The following CASC3 variants were observed in gnomAD, a reference collection of about 807,000 sequenced individuals.
The protein encoded by CASC3 is protein CASC3.
CASC3 carries 30 observed loss-of-function variants against 80.5 expected under a neutral mutation model. The ratio of observed to expected loss-of-function variants is 0.37; its 90% CI spans 0.28 to 0.51. The LOEUF (loss-of-function observed/expected upper bound fraction) is 0.51. Among genes scored for constraint, CASC3 ranks in the 20% least tolerant of loss-of-function variants. CASC3 has a pLI of 0.94. For synonymous variants in CASC3, 312 were observed against 333.6 expected, an observed-to-expected ratio of 0.94 and a Z score of 0.70; for missense variants, 824 against 922.2, an observed-to-expected ratio of 0.89 and a Z score of 1.38.
chr17:40,144,631 C>T (rs969489143), intron 3 of CASC3, among the ~76,000 whole-genome samples: 14 of 148,218 alleles, frequency 9.4e-5, no homozygotes, highest in African/African-American at 3.2e-4. Context: ...AGGTGGATTA[C>T]GGGTGTGAGC....
rs1598431903 is a variant in CASC3, at chr17:40,167,732, G to A, written c.1652-118G>A. Reference sequence around the variant, plus strand: ...TTATAGTGGTTATCAAACATTGTCTGGTTGCTGTTTTCTTCGCATGGAATA... The same window carrying A: ...TTATAGTGGTTATCAAACATTGTCTAGTTGCTGTTTTCTTCGCATGGAATA... On this transcript the variant is annotated intron_variant, in intron 9 of 13. Transcript: ENST00000264645. The A allele has an allele frequency of 1.5e-5, 19 of 1,244,466 alleles. 1 individual carries two copies. In the South Asian group the frequency reaches 2.2e-4, roughly 15 times the overall value. The allele number at this position is 1,244,466 out of a possible 1,614,324, so 77.1% of individuals were successfully genotyped here.
At chr17:40,168,674 T>C in intron 11 of CASC3, 1 of 428,650 alleles carries the variant, frequency 2.3e-6, no homozygotes, top group Non-Finnish European at 4.3e-6. Flanking sequence ...CACTGTAACC[T>C]CCACCTCTTG....
intron 4 of CASC3, 32 bp from the exon 5 acceptor site, chr17:40,161,970 G>A (rs370362076): frequency 6.2e-6 from 10 of 1,612,638 alleles, no homozygotes; most frequent in Non-Finnish European, 8.5e-6. Flanking sequence ...TTGAGGCTTG[G>A]AAGAGTAAGG....
rs1989580688 is a variant in CASC3, at chr17:40,171,037, T to C, written c.*632T>C. On this transcript the variant is annotated 3_prime_UTR_variant, in exon 14 of 14. Coordinates refer to ENST00000264645, the MANE Select transcript of CASC3 (RefSeq NM_007359.5). Reference sequence around the variant, plus strand: ...CTTTTAGTTGGCATTTGTTATCCTCTTGTATACTTGTATTCCCTTAACTCT... The same window carrying C: ...CTTTTAGTTGGCATTTGTTATCCTCCTGTATACTTGTATTCCCTTAACTCT... 2 of 985,466 alleles carry C rather than the reference T, an allele frequency of 2.0e-6. No individual in the cohort carries two copies. Among genetic ancestry groups the C allele is most frequent in the Non-Finnish European group, 2.4e-6 (2 of 829,940 alleles). The allele number at this position is 985,466 out of a possible 1,614,324, so 61.0% of individuals were successfully genotyped here. A position where few individuals can be genotyped will look rare whatever the true frequency, so the allele number is the denominator to read the frequency against.
Position 40,172,085 on chromosome 17 carries a change from G to A in CASC3, c.*1680G>A, listed in dbSNP as rs1989607017. On this transcript the variant is annotated 3_prime_UTR_variant, in exon 14 of 14. Transcript: ENST00000264645. ...AGTTGCAAGGATTTTTCCATGTGTGGTGGTGTTTTTTGTTACTGTTTTAAA... is the reference window on the plus strand; with the variant it reads ...AGTTGCAAGGATTTTTCCATGTGTGATGGTGTTTTTTGTTACTGTTTTAAA... 2.3e-6 allele frequency: 3 copies of A among 1,289,824 alleles called. No individual in the cohort carries two copies. The highest frequency in any genetic ancestry group is 1.2e-5 in the South Asian group (1 of 81,034). 79.9% of individuals were successfully genotyped at this position (1,289,824 alleles called of 1,614,324 possible). A position where few individuals can be genotyped will look rare whatever the true frequency, so the allele number is the denominator to read the frequency against.
chr17:40,151,214 T>G (rs1988998647), intron 3 of CASC3, among the ~76,000 whole-genome samples: 1 of 151,814 alleles, frequency 6.6e-6, no homozygotes, highest in East Asian at 1.9e-4. Flanking sequence ...TTTTATTTGT[T>G]TGTGTGTTTG....
intron 3 of CASC3, among the ~76,000 whole-genome samples, chr17:40,152,599 C>T (rs1417239604): frequency 3.3e-5 from 5 of 151,866 alleles, no homozygotes; most frequent in African/African-American, 7.3e-5. Context: ...GGATTACAGG[C>T]GTGAGCCACC....
At chr17:40,152,860 T>C (rs1260564141) in intron 3 of CASC3, among the ~76,000 whole-genome samples, 2 of 152,178 alleles carry the variant, frequency 1.3e-5, no homozygotes, top group Non-Finnish European at 2.9e-5. Context: ...CACTGCAGTC[T>C]CTGCCTCCCA....
At chr17:40,154,382 C>T (rs1283727625) in intron 3 of CASC3, among the ~76,000 whole-genome samples, 2 of 151,648 alleles carry the variant, frequency 1.3e-5, no homozygotes, top group East Asian at 1.9e-4. Context: ...TACAGGTGTG[C>T]GCTGCCATGC....
chr17:40,169,144 A>C (rs1989527287), intron 11 of CASC3, 180 bp from the exon 12 acceptor site: 1 of 618,892 alleles, frequency 1.6e-6, no homozygotes, highest in Non-Finnish European at 2.7e-6. Context: ...AAACCAGAGC[A>C]TAATAATGAA....
chr17:40,163,337 G>A (rs1351557964), intron 6 of CASC3, 144 bp from the exon 7 acceptor site: 1 of 660,458 alleles, frequency 1.5e-6, no homozygotes, highest in Admixed American at 3.0e-5. Context: ...GTTTCGCTAT[G>A]TTGGCCAGGC....
chr17:40,163,157 CAG>C (rs1989349271), intron 6 of CASC3, among the ~76,000 whole-genome samples: 1 of 151,714 alleles, frequency 6.6e-6, no homozygotes, highest in Non-Finnish European at 1.5e-5. Context: ...TTATTTAAGA[CAG>C]AGTCTCGCTG....
chr17:40,154,956 C>G (rs1396197981), intron 3 of CASC3, among the ~76,000 whole-genome samples: 1 of 152,062 alleles, frequency 6.6e-6, no homozygotes, highest in Non-Finnish European at 1.5e-5. Flanking sequence ...GTGGCGCTAT[C>G]TAGGTTCACT....
chr17:40,158,776 C>G, intron 3 of CASC3, among the ~76,000 whole-genome samples: 1 of 151,948 alleles, frequency 6.6e-6, no homozygotes, highest in South Asian at 2.1e-4. Context: ...ACAAGTTGTC[C>G]TTTAAGGTTT....
chr17:40,163,037 A>C (rs933907432), intron 6 of CASC3, 136 bp downstream of exon 6: 1 of 600,154 alleles, frequency 1.7e-6, no homozygotes, highest in African/African-American at 1.8e-5. Context: ...CCTGGGGAAC[A>C]TAGTGAGACC....
intron 13 of CASC3, 80 bp downstream of exon 13, chr17:40,169,742 C>CTTTTTTTTTTTTTTTTTTTTTTTTTT (rs56186811): frequency 1.1e-5 from 1 of 91,808 alleles, no homozygotes; most frequent in African/African-American, 8.5e-5. Flanking sequence ...TTAATTAATG[C>CTTTTTTTTTTTTTTTTTTTTTTTTTT]TTTTTTTTTT....
Position 40,161,800 on chromosome 17 carries a change from G to A in CASC3, c.345G>A (p.Leu115=). Residue 115 remains leucine, a synonymous_variant, in exon 4 of 14, where the codon CTG becomes CTA. Coordinates refer to ENST00000264645, the MANE Select transcript of CASC3 (RefSeq NM_007359.5). ...YSEEENSKVE[L]KSEANDAVNS... ...AAGAGGAAAACTCCAAAGTGGAGCT[G>A]AAATCAGAAGCTAATGATGCTGTTA... 1 of 1,614,176 alleles carries A rather than the reference G, an allele frequency of 6.2e-7. No homozygotes were observed. Among genetic ancestry groups the A allele is most frequent in the South Asian group, 1.1e-5 (1 of 91,080 alleles).
In CASC3 at chr17:40,167,876, C is replaced by A; in HGVS notation, c.1678C>A (p.His560Asn). The A allele has an allele frequency of 1.2e-6, 2 of 1,614,100 alleles. No homozygotes were observed. The highest frequency in any genetic ancestry group is 1.7e-6 in the Non-Finnish European group (2 of 1,179,988). The change falls in exon 10 of 14, where the codon CAT becomes AAT. Residue 560 changes from histidine (H) to asparagine (N), a missense_variant. Physicochemically the swap from His to Asn is moderately conservative, Grantham distance 68. Coordinates refer to ENST00000264645, the MANE Select transcript of CASC3 (RefSeq NM_007359.5). ...GCAGTTCCAGGGACCAATCTATACC[C>A]ATGGTGACAGCCCTGCCCCGCTGCC... ...PLQFQGPIYT[H>N]GDSPAPLPPQ...
At chr17:40,143,865 TAATTG>T (rs1271452330) in intron 3 of CASC3, among the ~76,000 whole-genome samples, 1 of 151,932 alleles carries the variant, frequency 6.6e-6, no homozygotes, top group Non-Finnish European at 1.5e-5. Flanking sequence ...TAAAAGAACG[TAATTG>T]AATTGTTTGT....
Sources: allele counts gnomAD v4.1 joint callset (sites outside exome capture counted in the v4.1 genomes callset), GRCh38; gene constraint gnomAD v4.1.1; transcripts MANE v1.5; gene names NCBI Gene and HGNC (gene_info 2026-07-23, HGNC 2026-07-21).